VPS13B: variants seen among roughly 807,000 people sequenced by gnomAD.
VPS13B encodes the protein intermembrane lipid transfer protein VPS13B.
Under a neutral mutation model 426.4 loss-of-function variants are expected in VPS13B, and 285 were observed. The ratio of observed to expected loss-of-function variants is 0.67; its 90% CI spans 0.61 to 0.74. The LOEUF (loss-of-function observed/expected upper bound fraction) is 0.74, where lower values mean the gene tolerates loss of function less well. VPS13B is among the 30% of genes least tolerant of loss of function. VPS13B has a pLI of 0.00. For missense variants in VPS13B, 4,537 were observed against 4,782.6 expected, an observed-to-expected ratio of 0.95 and a Z score of 1.51; for synonymous variants, 1,676 against 1,676.4, an observed-to-expected ratio of 1.00 and a Z score of 0.01.
At chr8:99,429,567 C>T (rs1171452170) in intron 21 of VPS13B, 1 of 151,944 alleles carries the variant, frequency 6.6e-6, no homozygotes, top group Non-Finnish European at 1.5e-5. Context: ...GCTTTTCCTA[C>T]AGCTCCATTC....
intron 19 of VPS13B, among the ~76,000 whole-genome samples, chr8:99,311,008 G>T (rs1026409370): frequency 2.0e-5 from 3 of 152,122 alleles, no homozygotes; most frequent in Admixed American, 2.0e-4. Context: ...TGTGGGATCG[G>T]TGGTGATATC....
chr8:99,049,341 G>A (rs1160308401), intron 3 of VPS13B, among the ~76,000 whole-genome samples: 2 of 151,660 alleles, frequency 1.3e-5, no homozygotes, highest in African/African-American at 4.8e-5. Context: ...AGCAGTTCTT[G>A]TAGTGCTGGC....
intron 29 of VPS13B, among the ~76,000 whole-genome samples, chr8:99,513,569 G>A (rs1034364379): frequency 3.9e-5 from 6 of 152,138 alleles, no homozygotes; most frequent in African/African-American, 1.4e-4. Flanking sequence ...CAAATTTTAT[G>A]ATGTAATTGT....
In VPS13B at chr8:99,717,364, T is replaced by C. The variant is rs746640467; in HGVS notation, c.6648T>C (p.Gly2216=). 5 of 1,613,604 alleles carry C rather than the reference T, an allele frequency of 3.1e-6. No individual in the cohort carries two copies. The East Asian group carries it at 6.7e-5, about 22-fold the overall frequency. ...IPKISIDLRG[G]LLQVFWGQEH... ...AAATATCCATTGACTTAAGAGGAGG[T>C]CTACTACAGGTCTGTGGGTATTGGC... is the stretch of plus-strand genomic sequence containing the variant. The change falls in exon 37 of 62, where the codon GGT becomes GGC. Residue 2216 remains glycine, a synonymous_variant. Coordinates refer to ENST00000357162, the MANE Select transcript of VPS13B (RefSeq NM_152564.5).
rs544451664 is a variant in VPS13B at position 99,735,431 on chromosome 8, GAC to G, written c.7050+14388_7050+14389del. On this transcript the variant is annotated intron_variant, in intron 39 of 61. Transcript: ENST00000357162. ...ATAAGACAAAGGAAATTTGGACAGA[GAC>G]ACAGACACACAGAGGGGAAGACCAT... Among the ~76,000 whole-genome samples, 537 of 152,202 alleles carry G rather than the reference GAC, an allele frequency of 3.5e-3. 3 individuals are homozygous for G. Among genetic ancestry groups the G allele is most frequent in the Non-Finnish European group, 5.3e-3 (362 of 68,002 alleles).
chr8:99,800,132 G>A (rs776490756), intron 43 of VPS13B, among the ~76,000 whole-genome samples: 4 of 151,974 alleles, frequency 2.6e-5, no homozygotes, highest in African/African-American at 9.7e-5. Flanking sequence ...AATCAAAGTC[G>A]TATTTATTTT....
chr8:99,329,660 C>T (rs146522466), intron 19 of VPS13B, among the ~76,000 whole-genome samples: 2 of 152,178 alleles, frequency 1.3e-5, no homozygotes, highest in African/African-American at 2.4e-5. Context: ...TTACATTAAA[C>T]ATAACCACTA....
Position 99,556,528 on chromosome 8 carries a change from C to T in VPS13B, c.4824C>T (p.Ser1608=). The T allele has an allele frequency of 2.5e-6, 4 of 1,613,150 alleles. No individual in the cohort carries two copies. The highest frequency in any genetic ancestry group is 3.4e-6 in the Non-Finnish European group (4 of 1,179,566). ...GACAATACCAAATAGATCTGCAGTC[C>T]ATCAATATTGGTACTGCACAGTGGC... is the stretch of plus-strand genomic sequence containing the variant. ...EDRQYQIDLQ[S]INIGTAQWHQ... Residue 1608 remains serine, a synonymous_variant, in exon 31 of 62, where the codon TCC becomes TCT. Coordinates refer to ENST00000357162, the MANE Select transcript of VPS13B (RefSeq NM_152564.5).
At chr8:99,595,191 A>C (rs889348785) in intron 33 of VPS13B, among the ~76,000 whole-genome samples, 1 of 151,920 alleles carries the variant, frequency 6.6e-6, no homozygotes, top group African/African-American at 2.4e-5. Context: ...TTACATATAG[A>C]TGAAAAATGT....
intron 19 of VPS13B, among the ~76,000 whole-genome samples, chr8:99,366,038 C>G (rs1812864643): frequency 6.6e-6 from 1 of 151,518 alleles, no homozygotes; most frequent in Admixed American, 6.6e-5. Context: ...TGAGAAAGAT[C>G]CATGTGCTAA....
At chr8:99,582,650 C>CT (rs769326307) in intron 33 of VPS13B, among the ~76,000 whole-genome samples, 2 of 151,728 alleles carry the variant, frequency 1.3e-5, no homozygotes, top group African/African-American at 4.8e-5. Context: ...GCCACATTTT[C>CT]TTTTTTTTCT....
At chr8:99,020,422 A>G (rs1286509064) in intron 2 of VPS13B, among the ~76,000 whole-genome samples, 1 of 152,148 alleles carries the variant, frequency 6.6e-6, no homozygotes, top group Admixed American at 6.5e-5. Context: ...ATATTTTCTC[A>G]CATGCTGTCA....
At chr8:99,726,920 G>T (rs1482467598) in intron 39 of VPS13B, among the ~76,000 whole-genome samples, 1 of 152,200 alleles carries the variant, frequency 6.6e-6, no homozygotes, top group Non-Finnish European at 1.5e-5. Context: ...AAGACACAGA[G>T]AGAACCTAAA....
intron 22 of VPS13B, among the ~76,000 whole-genome samples, chr8:99,438,557 A>C (rs1249544529): frequency 2.0e-5 from 3 of 152,196 alleles, no homozygotes; most frequent in African/African-American, 7.2e-5. Flanking sequence ...GGAATTTTTA[A>C]TGTCTTCTCT....
intron 10 of VPS13B, among the ~76,000 whole-genome samples, 166 bp downstream of exon 10, chr8:99,135,303 A>G (rs1180667212): frequency 6.6e-6 from 1 of 152,094 alleles, no homozygotes. Context: ...TATAGATCTC[A>G]GGGAAGTTTA....
At chr8:99,537,748 A>G (rs1391897972) in intron 30 of VPS13B, among the ~76,000 whole-genome samples, 2 of 152,140 alleles carry the variant, frequency 1.3e-5, no homozygotes, top group Non-Finnish European at 2.9e-5. Context: ...TGTGTGATGT[A>G]CTGTAATTCT....
Position 99,172,129 on chromosome 8 carries a change from A to T in VPS13B, c.2333+1966A>T, listed in dbSNP as rs11990374. 3.8e-3 allele frequency among the ~76,000 whole-genome samples: 583 copies of T among 152,284 alleles called. 4 individuals are homozygous for T. Among genetic ancestry groups the T allele is most frequent in the African/African-American group, 0.013 (520 of 41,576 alleles). On this transcript the variant is annotated intron_variant, in intron 16 of 61. Coordinates refer to ENST00000357162, the MANE Select transcript of VPS13B (RefSeq NM_152564.5). ...CACTTAAAGATAGTTAAACCAGTTA[A>T]TCAAATATTCATTAGTCCCATTTCT... is the stretch of plus-strand genomic sequence containing the variant.
At position 99,802,407 on chromosome 8, in the gene VPS13B, C is replaced by T. The variant is rs553649162; in HGVS notation, c.7942-6968C>T. On this transcript the variant is annotated intron_variant, in intron 43 of 61. Coordinates refer to ENST00000357162, the MANE Select transcript of VPS13B (RefSeq NM_152564.5). ...TTTTTAAAATAGAAATGTGTAATTT[C>T]TTTTTACCTAAAAATGTGACCTCTG... Among the ~76,000 whole-genome samples the T allele has an allele frequency of 3.3e-5, 5 of 152,168 alleles. No homozygotes were observed. In the South Asian group the frequency reaches 1.0e-3, roughly 32 times the overall value.
chr8:99,711,350 A>G (rs963678590), intron 36 of VPS13B, among the ~76,000 whole-genome samples: 3 of 152,174 alleles, frequency 2.0e-5, no homozygotes, highest in Non-Finnish European at 4.4e-5. Flanking sequence ...GGCAGGATAT[A>G]TTTATATCTG....
Sources: gnomAD v4.1 joint callset for allele counts (sites outside exome capture counted in the v4.1 genomes callset) on GRCh38, gnomAD v4.1.1 for gene constraint, MANE v1.5 for transcripts, NCBI Gene and HGNC (gene_info 2026-07-23, HGNC 2026-07-21) for gene names.